Variants in KRABD4 observed in about 807,000 individuals in gnomAD.
The protein encoded by KRABD4 is KRAB domain-containing protein 4.
At chrX:46,448,753 A>C in the KRABD4 span, 1 of 112,996 alleles carries the variant, frequency 8.8e-6, no homozygotes, top group Non-Finnish European at 1.9e-5. Flanking sequence ...AGCCAGCCAC[A>C]GAGGATTGGC....
the KRABD4 span, chrX:46,473,645 A>C: frequency 3.5e-6 from 1 of 284,435 alleles, no homozygotes; most frequent in Non-Finnish European, 5.8e-6. Context: ...CAGGATGCAA[A>C]TCAGTGAATC....
chrX:46,451,510 T>G, the KRABD4 span, among the ~76,000 whole-genome samples: 1 of 112,352 alleles, frequency 8.9e-6, no homozygotes, highest in Non-Finnish European at 1.9e-5. Flanking sequence ...AATTTTTTTT[T>G]ACTGTTGTAA....
the KRABD4 span, among the ~76,000 whole-genome samples, chrX:46,451,624 C>T: frequency 1.8e-5 from 2 of 111,354 alleles, no homozygotes; most frequent in African/African-American, 6.5e-5. Flanking sequence ...GGTACTGAAA[C>T]TTAAGTTTTG....
At chrX:46,459,893 T>C in the KRABD4 span, among the ~76,000 whole-genome samples, 1 of 111,831 alleles carries the variant, frequency 8.9e-6, no homozygotes, top group Non-Finnish European at 1.9e-5. Context: ...ACCAGCTCGG[T>C]GTGCTGTGAA....
the KRABD4 span, chrX:46,448,083 G>A: frequency 8.9e-6 from 1 of 112,054 alleles, no homozygotes; most frequent in African/African-American, 3.2e-5. Flanking sequence ...CTTAAAGCTA[G>A]AATGAGGCAT....
chrX:46,462,884 C>G, the KRABD4 span: 8 of 1,211,357 alleles, frequency 6.6e-6, no homozygotes, highest in Non-Finnish European at 8.9e-6. Context: ...GGTGAGGGAC[C>G]GTGCCACAGG....
the KRABD4 span, chrX:46,463,329 GA>G: frequency 8.4e-7 from 1 of 1,194,063 alleles, no homozygotes; most frequent in Non-Finnish European, 1.1e-6. Flanking sequence ...CCGGGGAAAG[GA>G]GACCAGGTTG....
the KRABD4 span, chrX:46,463,476 T>G: frequency 1.5e-4 from 74 of 507,079 alleles, no homozygotes; most frequent in South Asian, 2.2e-4. Flanking sequence ...CCGGTTACAG[T>G]CTCTGTGTTC....
At chrX:46,473,130 T>C in the KRABD4 span, 4 of 1,188,859 alleles carry the variant, frequency 3.4e-6, no homozygotes, top group Non-Finnish European at 4.5e-6. Flanking sequence ...AGCAAGCCCT[T>C]AGAAAAAGTC....
At chrX:46,466,467 C>T in the KRABD4 span, among the ~76,000 whole-genome samples, 5 of 111,933 alleles carry the variant, frequency 4.5e-5, no homozygotes, top group Non-Finnish European at 9.4e-5. Context: ...TCTGTCCTTC[C>T]ATCAATTCGA....
chrX:46,456,633 G>T, the KRABD4 span: 1 of 286,325 alleles, frequency 3.5e-6, no homozygotes, highest in Admixed American at 3.9e-5. Context: ...CAGCCAGGAA[G>T]ATAACATCCA....
the KRABD4 span, chrX:46,447,337 T>TG: frequency 9.6e-6 from 1 of 103,789 alleles, no homozygotes; most frequent in African/African-American, 3.5e-5. Flanking sequence ...TTCAGGCTCT[T>TG]GGCGGTGAAG....
At chrX:46,462,237 C>T in the KRABD4 span, among the ~76,000 whole-genome samples, 1 of 111,967 alleles carries the variant, frequency 8.9e-6, no homozygotes, top group Non-Finnish European at 1.9e-5. Flanking sequence ...CCAGGCCGGG[C>T]GCGATGGCTC....
the KRABD4 span, among the ~76,000 whole-genome samples, chrX:46,459,632 G>C: frequency 9.0e-6 from 1 of 111,456 alleles, no homozygotes; most frequent in African/African-American, 3.3e-5. Flanking sequence ...CTTTTATTAT[G>C]AAGTAACCTC....
chrX:46,447,562 G>C, the KRABD4 span, among the ~76,000 whole-genome samples: 6 of 108,201 alleles, frequency 5.5e-5, no homozygotes, highest in Non-Finnish European at 9.6e-5. Flanking sequence ...CCTGAGACCC[G>C]CAGGCCTGTG....
At chrX:46,466,869 G>C in the KRABD4 span, among the ~76,000 whole-genome samples, 1 of 111,855 alleles carries the variant, frequency 8.9e-6, no homozygotes, top group African/African-American at 3.3e-5. Flanking sequence ...CAAAGCATTG[G>C]ACATTTTCAT....
At chrX:46,458,782 C>T in the KRABD4 span, among the ~76,000 whole-genome samples, 1 of 111,858 alleles carries the variant, frequency 8.9e-6, no homozygotes, top group Non-Finnish European at 1.9e-5. Context: ...CCCTAAGTGT[C>T]CCATGTTCCT....
the KRABD4 span, chrX:46,456,549 A>T: frequency 9.1e-6 from 2 of 220,350 alleles, no homozygotes; most frequent in South Asian, 2.1e-4. Flanking sequence ...TTTTCAGGTC[A>T]CTTGTAGTTT....
the KRABD4 span, among the ~76,000 whole-genome samples, chrX:46,447,935 G>A: frequency 9.0e-6 from 1 of 111,465 alleles, no homozygotes; most frequent in Non-Finnish European, 1.9e-5. Flanking sequence ...CACGGAGAAC[G>A]GGCTCATGGA....
Sources: gnomAD v4.1 joint callset for allele counts (sites outside exome capture counted in the v4.1 genomes callset) on GRCh38, gnomAD v4.1.1 for gene constraint, MANE v1.5 for transcripts, NCBI Gene and HGNC (gene_info 2026-07-23, HGNC 2026-07-21) for gene names.